Variants in FAM135B observed in about 807,000 individuals in gnomAD.
FAM135B encodes the protein protein FAM135B.
A neutral mutation model predicts 127.7 loss-of-function variants in FAM135B; 43 were observed. The ratio of observed to expected loss-of-function variants is 0.34; its 90% CI spans 0.26 to 0.43. The LOEUF (loss-of-function observed/expected upper bound fraction) is 0.43. Ranked by LOEUF, FAM135B falls within the 20% of genes least tolerant of loss-of-function variation. FAM135B has a pLI of 1.00. For synonymous variants in FAM135B, 670 were observed against 665.1 expected (o/e 1.01, Z -0.11); for missense variants, 1,558 against 1,725.6 (o/e 0.90, Z 1.72).
intron 2 of FAM135B, among the ~76,000 whole-genome samples, chr8:138,316,169 T>TAA (rs1827070704): frequency 6.6e-6 from 1 of 152,216 alleles, no homozygotes; most frequent in Non-Finnish European, 1.5e-5. Context: ...ATAAAATAAA[T>TAA]GTTTAAAAAA....
intron 7 of FAM135B, among the ~76,000 whole-genome samples, chr8:138,224,619 CA>C (rs2130097209): frequency 6.6e-6 from 1 of 152,240 alleles, no homozygotes; most frequent in Admixed American, 6.5e-5. Context: ...TATACCTAAA[CA>C]GTTAAAATAC....
chr8:138,306,090 CA>C (rs1445799882), intron 3 of FAM135B, among the ~76,000 whole-genome samples: 1 of 152,148 alleles, frequency 6.6e-6, no homozygotes, highest in African/African-American at 2.4e-5. Context: ...GTTCTATCTG[CA>C]TAACTAGCTG....
Position 138,383,106 on chromosome 8 carries a change from C to T in FAM135B, c.-19-15104G>A, listed in dbSNP as rs1041437096. 5.3e-5 allele frequency among the ~76,000 whole-genome samples: 8 copies of T among 152,212 alleles called. No homozygotes were observed. The South Asian group carries it at 1.4e-3, about 28-fold the overall frequency. On this transcript the variant is annotated intron_variant, in intron 1 of 19. Coordinates refer to ENST00000395297, the MANE Select transcript of FAM135B (RefSeq NM_015912.4). Reference sequence around the variant, plus strand: ...TTCCCAACCTCAAAAGTGTCCCTTGCTGCACTGTCAACTACTTATCTACAT... The same window carrying T: ...TTCCCAACCTCAAAAGTGTCCCTTGTTGCACTGTCAACTACTTATCTACAT...
chr8:138,156,509 T>C lies in FAM135B; in HGVS notation c.1259-3293A>G, dbSNP rs984979830. Among the ~76,000 whole-genome samples, 3 of 131,440 alleles carry C rather than the reference T, an allele frequency of 2.3e-5. No individual in the cohort carries two copies. In the East Asian group the frequency reaches 8.4e-4, roughly 37 times the overall value. The allele number at this position is 131,440 out of a possible 152,430, so 86.2% of individuals were successfully genotyped here. ...TCAAAAAAATCAACGAATCCAGGAGTTGTTTTTTTGAAAAGATCAACAAAA... is the reference window on the plus strand; with the variant it reads ...TCAAAAAAATCAACGAATCCAGGAGCTGTTTTTTTGAAAAGATCAACAAAA... On this transcript the variant is annotated intron_variant, in intron 12 of 19. Transcript: ENST00000395297.
chr8:138,476,977 C>G (rs952877338), intron 1 of FAM135B, among the ~76,000 whole-genome samples: 3 of 152,170 alleles, frequency 2.0e-5, no homozygotes, highest in African/African-American at 7.2e-5. Flanking sequence ...AAGCCAAGAA[C>G]CAAGAAGCAA....
intron 1 of FAM135B, among the ~76,000 whole-genome samples, chr8:138,462,405 G>A (rs569826404): frequency 6.6e-6 from 1 of 152,316 alleles, no homozygotes; most frequent in East Asian, 1.9e-4. Context: ...AAAGGTTCCA[G>A]TGTTCTGCTA....
chr8:138,472,819 C>T (rs1837756376), intron 1 of FAM135B, among the ~76,000 whole-genome samples: 1 of 152,168 alleles, frequency 6.6e-6, no homozygotes, highest in African/African-American at 2.4e-5. Context: ...CTAGTAGATG[C>T]AGGTATCATG....
chr8:138,197,699 G>A (rs1022921094), intron 7 of FAM135B, 30 bp from the exon 8 acceptor site: 2 of 1,607,602 alleles, frequency 1.2e-6, no homozygotes, highest in Non-Finnish European at 1.7e-6. Context: ...CAGAGGCTGA[G>A]GAATATTGCA....
chr8:138,222,678 GTT>G (rs33913656), intron 7 of FAM135B, among the ~76,000 whole-genome samples: 10,334 of 103,926 alleles, frequency 0.099, 393 homozygotes, highest in South Asian at 0.19. Context: ...TGTTGGTGGT[GTT>G]TTTTTTTTTT....
intron 7 of FAM135B, among the ~76,000 whole-genome samples, chr8:138,226,710 C>A (rs1819481279): frequency 6.6e-6 from 1 of 152,138 alleles, no homozygotes; most frequent in African/African-American, 2.4e-5. Context: ...TACAGGCATG[C>A]ACCACCATGC....
At chr8:138,487,018 C>T (rs112013532) in intron 1 of FAM135B, among the ~76,000 whole-genome samples, 3,060 of 151,782 alleles carry the variant, frequency 0.02, 105 homozygotes, top group African/African-American at 0.071. Context: ...CACAACGTGC[C>T]GGTTTGTTAC....
intron 2 of FAM135B, among the ~76,000 whole-genome samples, chr8:138,333,706 A>T (rs551966980): frequency 1.3e-5 from 2 of 152,228 alleles, no homozygotes; most frequent in Non-Finnish European, 2.9e-5. Context: ...CCCTCAAGAC[A>T]TGAATTGAGA....
At chr8:138,317,749 T>C (rs1156730716) in intron 2 of FAM135B, among the ~76,000 whole-genome samples, 1 of 152,198 alleles carries the variant, frequency 6.6e-6, no homozygotes, top group Non-Finnish European at 1.5e-5. Context: ...AAACCTTAGG[T>C]TCCACCAAAT....
Position 138,303,973 on chromosome 8 carries a change from A to C in FAM135B, c.157+6868T>G, listed in dbSNP as rs184906147. Among the ~76,000 whole-genome samples the C allele has an allele frequency of 2.0e-5, 3 of 152,350 alleles. No homozygotes were observed. In the East Asian group the frequency reaches 5.8e-4, roughly 29 times the overall value. On this transcript the variant is annotated intron_variant, in intron 3 of 19. Transcript: ENST00000395297. ...TCAAACCCTACTTCCTAATTGCTAT[A>C]CTATTTTTAGCAGCTTTTGGACACA...
At chr8:138,389,931 T>C (rs972554654) in intron 1 of FAM135B, among the ~76,000 whole-genome samples, 3 of 152,224 alleles carry the variant, frequency 2.0e-5, no homozygotes, top group East Asian at 3.9e-4. Flanking sequence ...GCCTAGGAAA[T>C]AGCTGCCAGA....
intron 4 of FAM135B, among the ~76,000 whole-genome samples, chr8:138,260,338 GGC>G (rs1822446394): frequency 6.6e-6 from 1 of 152,158 alleles, no homozygotes; most frequent in African/African-American, 2.4e-5. Flanking sequence ...CAGCTGGACT[GGC>G]AGAGCAGAAT....
At chr8:138,151,145 A>C (rs1238072466) in intron 13 of FAM135B, 49 bp downstream of exon 13, 1 of 1,410,636 alleles carries the variant, frequency 7.1e-7, no homozygotes, top group Non-Finnish European at 9.4e-7. Context: ...AATATGTGGA[A>C]AAATCTAAAA....
At chr8:138,228,361 G>A (rs1270224558) in intron 7 of FAM135B, among the ~76,000 whole-genome samples, 1 of 152,104 alleles carries the variant, frequency 6.6e-6, no homozygotes. Context: ...ATTGTGATGT[G>A]CACTCCTGGT....
intron 4 of FAM135B, 139 bp downstream of exon 4, chr8:138,265,564 G>T: frequency 1.2e-6 from 1 of 841,134 alleles, no homozygotes. Context: ...ATAAGTGCAT[G>T]AGTGCACTAA....
Sources: allele counts gnomAD v4.1 joint callset (sites outside exome capture counted in the v4.1 genomes callset), GRCh38; gene constraint gnomAD v4.1.1; transcripts MANE v1.5; gene names NCBI Gene and HGNC (gene_info 2026-07-23, HGNC 2026-07-21).